Variants in SIGLEC6 observed in about 807,000 individuals in gnomAD.
SIGLEC6 encodes sialic acid-binding Ig-like lectin 6.
In SIGLEC6, 31 loss-of-function variants were observed where a neutral mutation model predicts 41.4. The ratio of observed to expected loss-of-function variants is 0.75; its 90% confidence interval spans 0.56 to 1.01. The LOEUF is 1.01. SIGLEC6 is among the 50% of genes least tolerant of loss of function. The pLI, the probability that SIGLEC6 is intolerant of heterozygous loss-of-function variation, is 0.00. For missense variants in SIGLEC6, 555 were observed against 558.6 expected (o/e 0.99, Z 0.06); for synonymous variants, 217 against 231.0 (o/e 0.94, Z 0.55).
rs148135355 is a variant in SIGLEC6 at position 51,523,119 on chromosome 19, G to A, written c.1189-2864C>T. Among the ~76,000 whole-genome samples the A allele has an allele frequency of 4.9e-4, 74 of 152,012 alleles. 1 individual carries two copies. The highest frequency in any genetic ancestry group is 1.7e-3 in the African/African-American group (69 of 41,438). On this transcript the variant is annotated intron_variant, in intron 7 of 7. Coordinates refer to ENST00000425629, the MANE Select transcript of SIGLEC6 (RefSeq NM_001245.7). ...CATGCCACTGCACTCCAGCCTGGGC[G>A]ACAGAGTGAGATCCTGTCTCAGGAA...
chr19:51,526,436 C>T (rs1168346517), intron 7 of SIGLEC6, among the ~76,000 whole-genome samples: 1 of 152,210 alleles, frequency 6.6e-6, no homozygotes, highest in African/African-American at 2.4e-5. Flanking sequence ...ACCAAAAATA[C>T]TTTGCTAATA....
Position 51,520,314 on chromosome 19 carries a change from C to T in SIGLEC6, c.1189-59G>A, listed in dbSNP as rs142191950. ...ACAATAGGTTCTCAAAGAAAGCAGC[C>T]AAGGATCAGAAAGGGAGTAGAACTG... On this transcript the variant is annotated intron_variant, in intron 7 of 7. Transcript: ENST00000425629. 5,236 of 1,289,796 alleles carry T rather than the reference C, an allele frequency of 4.1e-3. 9 individuals carry two copies. Among genetic ancestry groups the T allele is most frequent in the Non-Finnish European group, 4.8e-3 (4,587 of 950,954 alleles). The allele number at this position is 1,289,796 out of a possible 1,614,324, so 79.9% of individuals were successfully genotyped here.
chr19:51,522,835 T>C (rs1978510703), intron 7 of SIGLEC6, among the ~76,000 whole-genome samples: 1 of 151,688 alleles, frequency 6.6e-6, no homozygotes, highest in South Asian at 2.1e-4. Context: ...AATAAGGAAA[T>C]GAAAACTATA....
rs973026684 is a variant in SIGLEC6, at chr19:51,519,020, G to T, written c.*1062C>A. Among the ~76,000 whole-genome samples the T allele has an allele frequency of 6.6e-6, 1 of 152,116 alleles. No individual in the cohort carries two copies. The highest frequency in any genetic ancestry group is 2.4e-5 in the African/African-American group (1 of 41,440). ...TGTTAAAACAGCTAATCAAAGCCGG[G>T]TGCGGTGGCTCATGCCTGTAATCTC... On this transcript the variant is annotated 3_prime_UTR_variant, in exon 8 of 8. Coordinates refer to ENST00000425629, the MANE Select transcript of SIGLEC6 (RefSeq NM_001245.7).
At chr19:51,520,297 T>C (rs754632229) in intron 7 of SIGLEC6, 42 bp from the exon 8 acceptor site, 6 of 1,433,220 alleles carry the variant, frequency 4.2e-6, no homozygotes, top group Non-Finnish European at 5.6e-6. Context: ...GGACAATAGG[T>C]TCTCAAAGAA....
intron 5 of SIGLEC6, 187 bp downstream of exon 5, chr19:51,529,537 C>T: frequency 2.9e-6 from 2 of 684,324 alleles, no homozygotes; most frequent in South Asian, 3.8e-5. Flanking sequence ...AGAATCTCCT[C>T]CCCAAGCTGC....
In SIGLEC6 at chr19:51,529,794, T is replaced by C. The variant is rs747768803; in HGVS notation, c.942A>G (p.Glu314=). ...LELPQVGSAE[E]GDFTCRAQHP... is the part of the protein sequence containing the mutation. ...GCTGAGCACGGCAGGTGAAATCTCC[T>C]TCTTCTGCAGACCCTACTTGAGGCA... Residue 314 remains glutamate (E), a synonymous_variant, in exon 5 of 8, where the codon GAA becomes GAG. Transcript: ENST00000425629. 2 of 1,614,144 alleles carry C rather than the reference T, an allele frequency of 1.2e-6. No homozygotes were observed. The highest frequency in any genetic ancestry group is 2.2e-5 in the East Asian group (1 of 44,870).
Position 51,531,513 on chromosome 19 carries a change from A to G in SIGLEC6, c.74T>C (p.Leu25Pro). 6.2e-7 allele frequency: 1 copy of G among 1,613,910 alleles called. No individual in the cohort carries two copies. The highest frequency in any genetic ancestry group is 8.5e-7 in the Non-Finnish European group (1 of 1,179,886). The change falls in exon 2 of 8, where the codon CTG (leucine) becomes CCG (proline). Residue 25 changes from leucine (L) to proline (P), a missense_variant. Physicochemically the swap from Leu to Pro is moderately conservative, Grantham distance 98. Coordinates refer to ENST00000425629, the MANE Select transcript of SIGLEC6 (RefSeq NM_001245.7). ...CAGCTGGAATCTCCGCTCCTGAGCC[A>G]GGGCCCCTATGGAGACATGAGGGTC... ...LLLPLLWAGA[L>P]AQERRFQLEG...
chr19:51,527,723 G>A, intron 7 of SIGLEC6, 24 bp downstream of exon 7: 2 of 1,609,130 alleles, frequency 1.2e-6, no homozygotes, highest in South Asian at 2.2e-5. Context: ...ATGCTGAATG[G>A]AAATTAAGGT....
In SIGLEC6 at chr19:51,518,144, A is replaced by T. The variant is rs923159950; in HGVS notation, c.*1938T>A. Among the ~76,000 whole-genome samples, 3 of 152,150 alleles carry T rather than the reference A, an allele frequency of 2.0e-5. No homozygotes were observed. The highest frequency in any genetic ancestry group is 4.8e-5 in the African/African-American group (2 of 41,438). ...AGAAATCTTTTCTTTATTAACACTC[A>T]CATATTTTGGTTTTCCTTAAAATAT... On this transcript the variant is annotated 3_prime_UTR_variant, in exon 8 of 8. Coordinates refer to ENST00000425629, the MANE Select transcript of SIGLEC6 (RefSeq NM_001245.7).
intron 7 of SIGLEC6, among the ~76,000 whole-genome samples, chr19:51,523,598 AAGT>A (rs1265013940): frequency 6.6e-6 from 1 of 152,224 alleles, no homozygotes; most frequent in Non-Finnish European, 1.5e-5. Context: ...TAGAGGATAA[AAGT>A]AGTAACTCTC....
At position 51,518,896 on chromosome 19, in the gene SIGLEC6, G is replaced by A. The variant is rs543164142; in HGVS notation, c.*1186C>T. ...GATGGAAACCTTATTTTGGGGAGTC[G>A]TGAAGAGTTCTGAACAGGGGGTGAC... On this transcript the variant is annotated 3_prime_UTR_variant, in exon 8 of 8. Transcript: ENST00000425629. Among the ~76,000 whole-genome samples, 3 of 152,244 alleles carry A rather than the reference G, an allele frequency of 2.0e-5. No homozygotes were observed. The highest frequency in any genetic ancestry group is 4.4e-5 in the Non-Finnish European group (3 of 68,020).
rs10651662 is a variant in SIGLEC6 at position 51,519,296 on chromosome 19, GAAA to G, written c.*783_*785del. 2.6e-4 allele frequency among the ~76,000 whole-genome samples: 24 copies of G among 90,760 alleles called. No individual in the cohort carries two copies. The highest frequency in any genetic ancestry group is 8.8e-4 in the East Asian group (2 of 2,280). The allele number at this position is 90,760 out of a possible 152,430, so 59.5% of individuals were successfully genotyped here. A position where few individuals can be genotyped will look rare whatever the true frequency, so the allele number is the denominator to read the frequency against. On this transcript the variant is annotated 3_prime_UTR_variant, in exon 8 of 8. Coordinates refer to ENST00000425629, the MANE Select transcript of SIGLEC6 (RefSeq NM_001245.7). ...GGAGATACAGCAAGACTCCATCTCA[GAAA>G]AAAAAAAAAAAAAAAAAAGCTAGCC...
chr19:51,528,057 C>A, intron 6 of SIGLEC6, 103 bp downstream of exon 6: 1 of 1,110,588 alleles, frequency 9.0e-7, no homozygotes. Flanking sequence ...TCTCGACTTT[C>A]CCAATCACCC....
At chr19:51,530,336 A>G in intron 4 of SIGLEC6, 101 bp downstream of exon 4, 1 of 1,071,628 alleles carries the variant, frequency 9.3e-7, no homozygotes, top group Non-Finnish European at 1.4e-6. Flanking sequence ...AGGTCTTTGA[A>G]GTCTATGGAG....
intron 7 of SIGLEC6, among the ~76,000 whole-genome samples, chr19:51,524,810 G>A (rs934061063): frequency 2.6e-5 from 4 of 152,178 alleles, no homozygotes; most frequent in African/African-American, 7.2e-5. Context: ...GAAGCAACAT[G>A]ACCCGGAGAG....
At chr19:51,524,440 A>G (rs2122349340) in intron 7 of SIGLEC6, among the ~76,000 whole-genome samples, 1 of 152,388 alleles carries the variant, frequency 6.6e-6, no homozygotes, top group South Asian at 2.1e-4. Flanking sequence ...AAAAATCCTA[A>G]GTGCATATGC....
intron 6 of SIGLEC6, 54 bp from the exon 7 acceptor site, chr19:51,527,882 A>G: frequency 6.4e-7 from 1 of 1,556,684 alleles, no homozygotes; most frequent in South Asian, 1.1e-5. Flanking sequence ...CTCTTTCCCC[A>G]AAAGAAAACC....
Position 51,530,378 on chromosome 19 carries a change from G to A in SIGLEC6, c.754+59C>T, listed in dbSNP as rs145741664. 430 of 1,474,644 alleles carry A rather than the reference G, an allele frequency of 2.9e-4. 1 individual carries two copies. In the African/African-American group the frequency reaches 5.1e-3, roughly 18 times the overall value. 91.3% of individuals were successfully genotyped at this position (1,474,644 alleles called of 1,614,324 possible). On this transcript the variant is annotated intron_variant, in intron 4 of 7. Transcript: ENST00000425629. ...GTCCTGGCTTCTCATATTGATCCCC[G>A]TTAGTCCCCACTCTGCTTCCATCTG... is the stretch of plus-strand genomic sequence containing the variant.
Sources: gnomAD v4.1 joint callset for allele counts (sites outside exome capture counted in the v4.1 genomes callset) on GRCh38, gnomAD v4.1.1 for gene constraint, MANE v1.5 for transcripts, NCBI Gene and HGNC (gene_info 2026-07-23, HGNC 2026-07-21) for gene names.